RIMS2: variants seen among roughly 807,000 people sequenced by gnomAD.
RIMS2 encodes regulating synaptic membrane exocytosis protein 2.
In RIMS2, 59 loss-of-function variants were observed where a neutral mutation model predicts 174.4. The ratio of observed to expected loss-of-function variants is 0.34; its 90% confidence interval spans 0.27 to 0.42. The LOEUF is 0.42. Ranked by LOEUF, RIMS2 falls within the 10% of genes least tolerant of loss-of-function variation. The pLI, the probability that RIMS2 is intolerant of heterozygous loss-of-function variation, is 1.00. For missense variants in RIMS2, 1,620 were observed against 1,666.3 expected (o/e 0.97, Z 0.48); for synonymous variants, 606 against 572.5 (o/e 1.06, Z -0.84).
rs145260502 is a variant in RIMS2 at position 104,186,387 on chromosome 8, C to G, written c.3335-58529C>G. ...CCTGGTAAATTTATAGAAAAGAAAC[C>G]TCTGAATGATGTAATAAACATCTAA... On this transcript the variant is annotated intron_variant, in intron 19 of 23. Coordinates refer to ENST00000504942, the Ensembl canonical transcript of RIMS2. 9.8e-3 allele frequency among the ~76,000 whole-genome samples: 1,493 copies of G among 151,764 alleles called. 19 individuals are homozygous for G. Among genetic ancestry groups the G allele is most frequent in the African/African-American group, 0.033 (1,348 of 41,444 alleles).
At chr8:104,089,819 ATAT>A (rs2097605208) in intron 19 of RIMS2, among the ~76,000 whole-genome samples, 1 of 151,820 alleles carries the variant, frequency 6.6e-6, no homozygotes, top group African/African-American at 2.4e-5. Context: ...TTTGCTAAGC[ATAT>A]TATTATGTAT....
At chr8:104,134,852 C>A (rs1381165528) in intron 19 of RIMS2, among the ~76,000 whole-genome samples, 2 of 152,184 alleles carry the variant, frequency 1.3e-5, no homozygotes, top group Non-Finnish European at 2.9e-5. Flanking sequence ...TCTACCCAAA[C>A]TTCATCCTAA....
chr8:104,106,992 A>C (rs1186013122), intron 19 of RIMS2, among the ~76,000 whole-genome samples: 5 of 152,154 alleles, frequency 3.3e-5, no homozygotes, highest in Non-Finnish European at 7.4e-5. Context: ...CTCCATACAG[A>C]AAAAATGGAA....
At chr8:103,870,373 CCACCACCAG>C (rs1486691869) in intron 3 of RIMS2, among the ~76,000 whole-genome samples, 1 of 151,506 alleles carries the variant, frequency 6.6e-6, no homozygotes, top group Non-Finnish European at 1.5e-5. Context: ...ATCACCACCA[CCACCACCAG>C]CACCACCACC....
At chr8:103,930,399 C>T (rs556353480) in intron 11 of RIMS2, among the ~76,000 whole-genome samples, 1 of 152,082 alleles carries the variant, frequency 6.6e-6, no homozygotes, top group African/African-American at 2.4e-5. Context: ...TCAGTCTCAA[C>T]ATAGTGGTTA....
chr8:103,900,916 TG>T (rs1293163992), intron 4 of RIMS2, among the ~76,000 whole-genome samples: 2 of 152,132 alleles, frequency 1.3e-5, no homozygotes, highest in African/African-American at 4.8e-5. Flanking sequence ...CCATAATTTT[TG>T]TTTTGATTAT....
chr8:103,908,037 C>T (rs1287096912), intron 4 of RIMS2, among the ~76,000 whole-genome samples: 2 of 150,900 alleles, frequency 1.3e-5, no homozygotes, highest in African/African-American at 4.9e-5. Context: ...CGTAAGCCAC[C>T]GCGCCCGGCC....
intron 19 of RIMS2, among the ~76,000 whole-genome samples, chr8:104,018,122 TTTG>T (rs1263645827): frequency 1.3e-5 from 2 of 152,186 alleles, no homozygotes; most frequent in African/African-American, 4.8e-5. Flanking sequence ...TAATTTAGAA[TTTG>T]TTATTTGTTT....
intron 1 of RIMS2, among the ~76,000 whole-genome samples, chr8:103,695,736 T>TG (rs1564319126): frequency 1.3e-5 from 2 of 151,362 alleles, no homozygotes; most frequent in African/African-American, 2.4e-5. Context: ...TTTTTTTTTG[T>TG]TTGTTTGTTT....
chr8:104,186,990 T>G (rs577963597), intron 19 of RIMS2, among the ~76,000 whole-genome samples: 18 of 151,576 alleles, frequency 1.2e-4, no homozygotes, highest in Non-Finnish European at 2.1e-4. Flanking sequence ...TACAAATAGG[T>G]TTAGGGAAAA....
intron 1 of RIMS2, among the ~76,000 whole-genome samples, chr8:103,615,621 G>T (rs1033138182): frequency 6.6e-6 from 1 of 151,648 alleles, no homozygotes; most frequent in Non-Finnish European, 1.5e-5. Context: ...AATAAAATAG[G>T]CCACTAGCTA....
At chr8:103,764,580 C>G (rs1045612517) in intron 2 of RIMS2, among the ~76,000 whole-genome samples, 4 of 151,970 alleles carry the variant, frequency 2.6e-5, no homozygotes, top group African/African-American at 9.7e-5. Context: ...CTAATTATAG[C>G]AAAAGAAATT....
chr8:103,613,142 C>G (rs1306990152), intron 1 of RIMS2, among the ~76,000 whole-genome samples: 2 of 152,176 alleles, frequency 1.3e-5, no homozygotes, highest in Non-Finnish European at 2.9e-5. Flanking sequence ...TGCATTTTCC[C>G]AGGCCCTGGT....
intron 19 of RIMS2, among the ~76,000 whole-genome samples, chr8:104,091,427 G>A (rs1306714948): frequency 6.6e-6 from 1 of 151,052 alleles, no homozygotes; most frequent in Non-Finnish European, 1.5e-5. Context: ...TCTCCCATAC[G>A]GAGTATAGTA....
At chr8:103,598,309 C>T (rs2094554734) in intron 1 of RIMS2, among the ~76,000 whole-genome samples, 1 of 152,124 alleles carries the variant, frequency 6.6e-6, no homozygotes, top group Admixed American at 6.6e-5. Flanking sequence ...AATTCCTGAT[C>T]ATACGGACAT....
At chr8:104,126,492 G>A (rs1193460889) in intron 19 of RIMS2, among the ~76,000 whole-genome samples, 1 of 152,118 alleles carries the variant, frequency 6.6e-6, no homozygotes, top group Non-Finnish European at 1.5e-5. Context: ...ATATAGTACA[G>A]TACTCAAGCA....
At chr8:104,207,948 TG>T in intron 19 of RIMS2, among the ~76,000 whole-genome samples, 1 of 152,094 alleles carries the variant, frequency 6.6e-6, no homozygotes, top group Non-Finnish European at 1.5e-5. Flanking sequence ...ATTTTATTTT[TG>T]TTTAAGGCAG....
intron 3 of RIMS2, among the ~76,000 whole-genome samples, chr8:103,876,643 C>A (rs2099138686): frequency 6.6e-6 from 1 of 150,548 alleles, no homozygotes; most frequent in African/African-American, 2.4e-5. Context: ...CATCCTCATG[C>A]CTTTCATCCT....
intron 19 of RIMS2, among the ~76,000 whole-genome samples, chr8:104,128,685 G>A (rs554622009): frequency 4.6e-5 from 7 of 152,044 alleles, no homozygotes; most frequent in South Asian, 4.2e-4. Context: ...CAACAAGAGC[G>A]AAACTCCATC....
Sources: gnomAD v4.1 joint callset for allele counts (sites outside exome capture counted in the v4.1 genomes callset) on GRCh38, gnomAD v4.1.1 for gene constraint, MANE v1.5 for transcripts, NCBI Gene and HGNC (gene_info 2026-07-23, HGNC 2026-07-21) for gene names.